SEMA3A: variants seen among roughly 807,000 people sequenced by gnomAD.
SEMA3A encodes the protein semaphorin-3A.
SEMA3A carries 29 observed loss-of-function variants against 97.9 expected under a neutral mutation model. That is an observed-to-expected ratio of 0.30 (90% CI 0.22 to 0.40). SEMA3A has a LOEUF of 0.40. Ranked by LOEUF, SEMA3A falls within the 10% of genes least tolerant of loss-of-function variation. SEMA3A has a pLI of 1.00. For synonymous variants in SEMA3A, 321 were observed against 323.7 expected, an observed-to-expected ratio of 0.99 and a Z score of 0.09; for missense variants, 763 against 951.3, an observed-to-expected ratio of 0.80 and a Z score of 2.60.
At chr7:84,289,589 C>G (rs978940311) in intron 3 of SEMA3A, among the ~76,000 whole-genome samples, 1 of 151,882 alleles carries the variant, frequency 6.6e-6, no homozygotes, top group African/African-American at 2.4e-5. Context: ...TTCACAAAAA[C>G]TAGGATGGCA....
At chr7:84,143,943 TCTCTCTAA>T (rs1181691909) in intron 1 of SEMA3A, among the ~76,000 whole-genome samples, 1 of 126,832 alleles carries the variant, frequency 7.9e-6, no homozygotes, top group Admixed American at 8.5e-5. Flanking sequence ...TCTCTCTCTC[TCTCTCTAA>T]CACACACACA....
chr7:84,256,789 C>G (rs1799728300), intron 3 of SEMA3A, among the ~76,000 whole-genome samples: 3 of 151,916 alleles, frequency 2.0e-5, no homozygotes, highest in Admixed American at 2.0e-4. Context: ...GACATAAATA[C>G]AAAGTATTCT....
chr7:84,441,082 C>T (rs191839849), intron 1 of SEMA3A, among the ~76,000 whole-genome samples: 128 of 151,992 alleles, frequency 8.4e-4, no homozygotes, highest in African/African-American at 2.7e-3. Flanking sequence ...CACTTGAACC[C>T]GGGAGGTGGA....
intron 12 of SEMA3A, among the ~76,000 whole-genome samples, chr7:83,994,524 T>C (rs1348320163): frequency 7.5e-6 from 1 of 132,498 alleles, no homozygotes; most frequent in Non-Finnish European, 1.6e-5. Flanking sequence ...TTGTTAGTTT[T>C]CCTTCTAACA....
rs756376042 is a variant in SEMA3A, at chr7:84,011,186, G to T, written c.922C>A (p.Leu308Met). 8 of 1,611,750 alleles carry T rather than the reference G, an allele frequency of 5.0e-6. No individual in the cohort carries two copies. The Admixed American group carries it at 1.0e-4, about 20-fold the overall frequency. The change falls in exon 8 of 17, where the codon CTG (leucine) becomes ATG (methionine). Residue 308 changes from leucine to methionine, a missense_variant. By Grantham distance (15) the Leu-to-Met change is conservative. This residue lies in a region of SEMA3A where 678 missense variants were observed against 881.3 expected (regional missense o/e 0.77). Transcript: ENST00000265362. ...TACATAAACACTAGCTTCTTACGCAGTTCATCAAAATGAGTGTCAATGCCA... is the reference window on the plus strand; with the variant it reads ...TACATAAACACTAGCTTCTTACGCATTTCATCAAAATGAGTGTCAATGCCA... ...PNGIDTHFDELQDVFLMNFKD... is the reference protein window; with the variant it reads ...PNGIDTHFDEMQDVFLMNFKD...
chr7:84,476,213 T>A (rs981667541), intron 1 of SEMA3A, among the ~76,000 whole-genome samples: 20 of 151,452 alleles, frequency 1.3e-4, no homozygotes, highest in African/African-American at 4.1e-4. Flanking sequence ...ACAAAATTAG[T>A]CAGGCGTGGT....
chr7:84,337,481 C>A (rs367751753), intron 2 of SEMA3A, among the ~76,000 whole-genome samples: 1 of 152,092 alleles, frequency 6.6e-6, no homozygotes, highest in East Asian at 1.9e-4. Flanking sequence ...GGCTAACAAT[C>A]CATCATTGCA....
intron 9 of SEMA3A, among the ~76,000 whole-genome samples, chr7:84,008,058 AAAT>A (rs1455445020): frequency 2.0e-5 from 3 of 152,228 alleles, no homozygotes; most frequent in African/African-American, 7.2e-5. Flanking sequence ...CTAACACAGA[AAAT>A]AATTACGTTA....
chr7:84,201,374 C>G (rs537220129), intron 3 of SEMA3A, among the ~76,000 whole-genome samples: 30 of 152,206 alleles, frequency 2.0e-4, no homozygotes, highest in African/African-American at 7.2e-4. Context: ...TCAAAATCTA[C>G]AGTGCATTCT....
chr7:84,105,618 C>T (rs960529415), intron 4 of SEMA3A, among the ~76,000 whole-genome samples: 1 of 151,842 alleles, frequency 6.6e-6, no homozygotes, highest in Non-Finnish European at 1.5e-5. Context: ...AGATTTCCTG[C>T]CAGTAAGTAG....
chr7:84,334,631 TCTCCCCCAACCTGCTGC>T (rs1050680970), intron 2 of SEMA3A, among the ~76,000 whole-genome samples: 160 of 151,552 alleles, frequency 1.1e-3, no homozygotes, highest in African/African-American at 3.8e-3. Flanking sequence ...CTTCCCTATT[TCTCCCCCAACCTGCTGC>T]CTCCTGGTCA....
chr7:84,074,742 A>G (rs1451853001), intron 4 of SEMA3A, among the ~76,000 whole-genome samples: 2 of 152,024 alleles, frequency 1.3e-5, no homozygotes, highest in African/African-American at 4.8e-5. Flanking sequence ...TAAATCTAAA[A>G]TATAGTTGTT....
intron 12 of SEMA3A, among the ~76,000 whole-genome samples, chr7:83,992,211 TTTTC>T (rs1215984379): frequency 4.0e-5 from 6 of 151,630 alleles, no homozygotes; most frequent in Non-Finnish European, 5.9e-5. Flanking sequence ...TCTTCTCTTT[TTTTC>T]TTTATTAGTC....
At chr7:84,402,826 T>C (rs1803944236) in intron 1 of SEMA3A, among the ~76,000 whole-genome samples, 1 of 152,126 alleles carries the variant, frequency 6.6e-6, no homozygotes, top group African/African-American at 2.4e-5. Context: ...GAAAGACAAA[T>C]ATCACACGTT....
chr7:84,005,578 A>T lies in SEMA3A; in HGVS notation c.1141-20T>A. On this transcript the variant is annotated intron_variant, in intron 10 of 16. Transcript: ENST00000265362. ...GGGACACTATTAAGATAAAGAGAAA[A>T]TTATCTTTTGATTAAAATCTAATAA... is the stretch of plus-strand genomic sequence containing the variant. 2 of 1,470,008 alleles carry T rather than the reference A, an allele frequency of 1.4e-6. No individual in the cohort carries two copies. The highest frequency in any genetic ancestry group is 1.9e-6 in the Non-Finnish European group (2 of 1,057,864). 91.1% of individuals were successfully genotyped at this position (1,470,008 alleles called of 1,614,324 possible). A position where few individuals can be genotyped will look rare whatever the true frequency, so the allele number is the denominator to read the frequency against.
At chr7:84,031,176 A>G (rs1338463284) in intron 6 of SEMA3A, among the ~76,000 whole-genome samples, 1 of 151,714 alleles carries the variant, frequency 6.6e-6, no homozygotes, top group African/African-American at 2.4e-5. Context: ...GTATTCTAGT[A>G]GAGACAGGGT....
chr7:83,980,903 G>A (rs1366819739), intron 14 of SEMA3A, among the ~76,000 whole-genome samples: 1 of 151,824 alleles, frequency 6.6e-6, no homozygotes, highest in African/African-American at 2.4e-5. Context: ...AATTCTTCTG[G>A]ACTTTTTATA....
intron 6 of SEMA3A, among the ~76,000 whole-genome samples, chr7:84,016,407 G>A (rs1200045601): frequency 4.6e-5 from 7 of 151,906 alleles, no homozygotes; most frequent in Non-Finnish European, 7.4e-5. Context: ...GCGTGGTGGC[G>A]GGCTCCTGTA....
In SEMA3A at chr7:83,958,734, AAAT is replaced by A. The variant is rs1189179448; in HGVS notation, c.*2634_*2636del. ...TAAACACATACCACTGCAAATTACTAAATAATACATAAAATGAAGTGTGCATTT... is the reference window on the plus strand; with the variant it reads ...TAAACACATACCACTGCAAATTACTAAATACATAAAATGAAGTGTGCATTT... On this transcript the variant is annotated 3_prime_UTR_variant, in exon 17 of 17. Transcript: ENST00000265362. 1.3e-5 allele frequency: 2 copies of A among 152,496 alleles called. No individual in the cohort carries two copies. The highest frequency in any genetic ancestry group is 2.4e-5 in the African/African-American group (1 of 41,428). The allele number at this position is 152,496 out of a possible 1,614,324, so 9.4% of individuals were successfully genotyped here. A position where few individuals can be genotyped will look rare whatever the true frequency, so the allele number is the denominator to read the frequency against.
Sources: allele counts gnomAD v4.1 joint callset (sites outside exome capture counted in the v4.1 genomes callset), GRCh38; gene constraint gnomAD v4.1.1; regional missense constraint gnomAD v4.1.1; transcripts MANE v1.5; gene names NCBI Gene and HGNC (gene_info 2026-07-23, HGNC 2026-07-21).